The following TSC22D2 variants were observed in gnomAD, a reference collection of about 807,000 sequenced individuals.
The protein encoded by TSC22D2 is TSC22 domain family member 2.
TSC22D2 carries 5 observed loss-of-function variants against 50.1 expected under a neutral mutation model. The ratio of observed to expected loss-of-function variants is 0.10; its 90% CI spans 0.05 to 0.21. The LOEUF (loss-of-function observed/expected upper bound fraction) is 0.21. TSC22D2 is among the 10% of genes least tolerant of loss of function. TSC22D2 has a pLI of 1.00. For synonymous variants in TSC22D2, 501 were observed against 450.1 expected (o/e 1.11, Z -1.43); for missense variants, 1,003 against 1,015.5 (o/e 0.99, Z 0.17).
intron 1 of TSC22D2, among the ~76,000 whole-genome samples, chr3:150,426,892 T>G (rs561412111): frequency 1.3e-5 from 2 of 152,274 alleles, no homozygotes; most frequent in East Asian, 1.9e-4. Flanking sequence ...TTAAAATTAT[T>G]GGATAAAAAA....
intron 1 of TSC22D2, among the ~76,000 whole-genome samples, chr3:150,446,154 T>G (rs1251429378): frequency 6.6e-6 from 1 of 152,152 alleles, no homozygotes; most frequent in African/African-American, 2.4e-5. Context: ...TTTAAGCCAT[T>G]TTATTATTCT....
chr3:150,426,012 C>T (rs867801889), intron 1 of TSC22D2, among the ~76,000 whole-genome samples: 2 of 152,108 alleles, frequency 1.3e-5, no homozygotes, highest in African/African-American at 4.8e-5. Context: ...TTGAAGCTAC[C>T]CTCAAGTCTT....
chr3:150,441,475 G>A (rs1720715822), intron 1 of TSC22D2, among the ~76,000 whole-genome samples: 1 of 151,976 alleles, frequency 6.6e-6, no homozygotes, highest in African/African-American at 2.4e-5. Context: ...AAATATTATT[G>A]GAGGCCGGGC....
intron 1 of TSC22D2, chr3:150,423,144 G>A: frequency 1.3e-6 from 2 of 1,551,620 alleles, no homozygotes; most frequent in Non-Finnish European, 1.8e-6. Flanking sequence ...CATATGGAAT[G>A]CATACATGCA....
intron 1 of TSC22D2, among the ~76,000 whole-genome samples, chr3:150,429,388 AT>A (rs939069265): frequency 3.9e-5 from 6 of 152,130 alleles, no homozygotes; most frequent in African/African-American, 1.4e-4. Context: ...ATGGAGAAAA[AT>A]AACTACACAT....
chr3:150,411,443 T>G (rs1719565467), intron 1 of TSC22D2, 135 bp downstream of exon 1: 7 of 913,318 alleles, frequency 7.7e-6, no homozygotes, highest in Non-Finnish European at 1.1e-5. Context: ...TTGGTAAAAT[T>G]GATTTAGATT....
In TSC22D2 at chr3:150,408,938, T is replaced by TCCCACC. The variant is rs1279309736; in HGVS notation, c.-408_-403dup. 1 of 161,416 alleles carries TCCCACC rather than the reference T, an allele frequency of 6.2e-6. No individual in the cohort carries two copies. Among genetic ancestry groups the TCCCACC allele is most frequent in the Non-Finnish European group, 1.3e-5 (1 of 74,782 alleles). The allele number at this position is 161,416 out of a possible 1,614,324, so 10.0% of individuals were successfully genotyped here. ...CTCCTCCTCCTCTTCGCCCTCCCAC[T>TCCCACC]CCCACCCCCAGCCAAGGCCTGCTGA... On this transcript the variant is annotated 5_prime_UTR_variant, in exon 1 of 3. Transcript: ENST00000688009.
chr3:150,458,313 G>A, intron 2 of TSC22D2, 63 bp from the exon 3 acceptor site: 2 of 1,540,780 alleles, frequency 1.3e-6, no homozygotes, highest in Admixed American at 1.9e-5. Context: ...AAGTAGGCCA[G>A]AACCAGATAG....
In TSC22D2 at chr3:150,463,938, A is replaced by T. The variant is rs1721485974; in HGVS notation, c.*5302A>T. On this transcript the variant is annotated 3_prime_UTR_variant, in exon 3 of 3. Transcript: ENST00000688009. Reference sequence around the variant, plus strand: ...ACTGATAGACTAGGCAGTTTGGGGAATTTTCCCATTGTCTACTGTCATGGG... The same window carrying T: ...ACTGATAGACTAGGCAGTTTGGGGATTTTTCCCATTGTCTACTGTCATGGG... 1 of 152,050 alleles carries T rather than the reference A, an allele frequency of 6.6e-6. No homozygotes were observed. The highest frequency in any genetic ancestry group is 2.1e-4 in the South Asian group (1 of 4,818). 9.4% of individuals were successfully genotyped at this position (152,050 alleles called of 1,614,324 possible). A position where few individuals can be genotyped will look rare whatever the true frequency, so the allele number is the denominator to read the frequency against.
rs11330414 is a variant in TSC22D2, at chr3:150,459,572, G to GTTTTTTTTTTTTTTTTTTT, written c.*949_*950insTTTTTTTTTTTTTTTTTTT. On this transcript the variant is annotated 3_prime_UTR_variant, in exon 3 of 3. Coordinates refer to ENST00000688009, the MANE Select transcript of TSC22D2 (RefSeq NM_001303264.2). ...TAATGGAGTTTGGTTTTTTTTTGTTGTTTTTTTTTTTTTGTCTTTTTTTTT... is the reference window on the plus strand; with the variant it reads ...TAATGGAGTTTGGTTTTTTTTTGTTGTTTTTTTTTTTTTTTTTTTTTTTTTTTTTTTTGTCTTTTTTTTT... The GTTTTTTTTTTTTTTTTTTT allele has an allele frequency of 1.7e-5, 2 of 115,560 alleles. No homozygotes were observed. Among genetic ancestry groups the GTTTTTTTTTTTTTTTTTTT allele is most frequent in the African/African-American group, 3.3e-5 (1 of 30,710 alleles). The allele number at this position is 115,560 out of a possible 1,614,324, so 7.2% of individuals were successfully genotyped here.
Position 150,410,072 on chromosome 3 carries a change from G to T in TSC22D2, c.722G>T (p.Gly241Val). The T allele has an allele frequency of 1.9e-6, 3 of 1,613,066 alleles. No individual in the cohort carries two copies. The highest frequency in any genetic ancestry group is 2.5e-6 in the Non-Finnish European group (3 of 1,180,022). The change falls in exon 1 of 3, where the codon GGA (glycine) becomes GTA (valine). Residue 241 changes from glycine to valine, a missense_variant. Transcript: ENST00000688009. ...CAGGGGGCGCACGGGCCCGAGTCGGGAACTGACAGCTCCTTGACTGCTGTG... is the reference window on the plus strand; with the variant it reads ...CAGGGGGCGCACGGGCCCGAGTCGGTAACTGACAGCTCCTTGACTGCTGTG... ...SMQGAHGPES[G>V]TDSSLTAVSQ... is the part of the protein sequence containing the mutation.
Position 150,410,410 on chromosome 3 carries a change from C to G in TSC22D2, c.1060C>G (p.Pro354Ala). The G allele has an allele frequency of 1.2e-6, 2 of 1,608,722 alleles. No individual in the cohort carries two copies. Among genetic ancestry groups the G allele is most frequent in the Admixed American group, 3.3e-5 (2 of 59,824 alleles). ...PAVGAPAAQQPQQFAYPQPQI... is the reference protein window; with the variant it reads ...PAVGAPAAQQAQQFAYPQPQI... ...AGTGGGCGCCCCCGCGGCGCAGCAG[C>G]CCCAGCAGTTCGCGTATCCTCAGCC... Residue 354 changes from proline to alanine, a missense_variant, in exon 1 of 3, where the codon CCC (proline) becomes GCC (alanine). This residue lies in a region of TSC22D2 where 696 missense variants were observed against 647.8 expected (regional missense o/e 1.07). Transcript: ENST00000688009.
intron 1 of TSC22D2, among the ~76,000 whole-genome samples, chr3:150,422,458 A>G (rs1720040915): frequency 6.6e-6 from 1 of 152,242 alleles, no homozygotes; most frequent in African/African-American, 2.4e-5. Context: ...TGCTAGAATC[A>G]GAAAGCTGCC....
rs2108055067 is a variant in TSC22D2, at chr3:150,410,581, C to T, written c.1231C>T (p.Leu411Phe). Residue 411 changes from leucine to phenylalanine, a missense_variant, in exon 1 of 3, where the codon CTT becomes TTT. By Grantham distance (22) the Leu-to-Phe change is conservative. Around this residue, in one of 6 missense-constraint regions of TSC22D2, gnomAD observed 696 missense variants for 647.8 expected, o/e 1.07. Transcript: ENST00000688009. ...AGCGAGCCCCGCCACGGCGGCCACCCTTCCCGTGGGCACCGGCCAGAATGC... is the reference window on the plus strand; with the variant it reads ...AGCGAGCCCCGCCACGGCGGCCACCTTTCCCGTGGGCACCGGCCAGAATGC... ...AAASPATAAT[L>F]PVGTGQNASS... The T allele has an allele frequency of 6.4e-7, 1 of 1,556,316 alleles. No individual in the cohort carries two copies. The highest frequency in any genetic ancestry group is 8.7e-7 in the Non-Finnish European group (1 of 1,152,130).
Position 150,411,027 on chromosome 3 carries a change from G to A in TSC22D2, c.1677G>A (p.Leu559=). Residue 559 remains leucine, a synonymous_variant, in exon 1 of 3, where the codon CTG becomes CTA. Coordinates refer to ENST00000688009, the MANE Select transcript of TSC22D2 (RefSeq NM_001303264.2). ...RSSSIIQHVG[L]PLAPGTHSAP... is the part of the protein sequence containing the mutation. ...GCAGCATAATCCAGCATGTTGGGCT[G>A]CCCTTAGCGCCAGGCACACACAGCG... 1 of 1,614,228 alleles carries A rather than the reference G, an allele frequency of 6.2e-7. No individual in the cohort carries two copies. Among genetic ancestry groups the A allele is most frequent in the East Asian group, 2.2e-5 (1 of 44,880 alleles).
At chr3:150,450,694 T>A (rs933922662) in intron 1 of TSC22D2, among the ~76,000 whole-genome samples, 3 of 152,124 alleles carry the variant, frequency 2.0e-5, no homozygotes, top group Non-Finnish European at 4.4e-5. Context: ...CTGTAAATAT[T>A]TTTTAGTCTC....
chr3:150,410,700 G>T lies in TSC22D2; in HGVS notation c.1350G>T (p.Ala450=). The T allele has an allele frequency of 6.4e-7, 1 of 1,572,966 alleles. No homozygotes were observed. The highest frequency in any genetic ancestry group is 8.6e-7 in the Non-Finnish European group (1 of 1,160,982). Residue 450 remains alanine, a synonymous_variant, in exon 1 of 3, where the codon GCG becomes GCT. Coordinates refer to ENST00000688009, the MANE Select transcript of TSC22D2 (RefSeq NM_001303264.2). The stretch of plus-strand genomic sequence containing the variant: ...GACCAGCGCAAGGCGGGCAGGTCGC[G>T]CCTTGTCAGCCGACTGGAGTGCCCC... The part of the protein sequence containing the change: ...RTGPAQGGQV[A]PCQPTGVPPA...
chr3:150,411,713 A>G (rs1463021068), intron 1 of TSC22D2, among the ~76,000 whole-genome samples: 3 of 151,968 alleles, frequency 2.0e-5, no homozygotes, highest in Admixed American at 1.3e-4. Context: ...TAATACTACA[A>G]GTTTTCCTTT....
Position 150,458,679 on chromosome 3 carries a change from A to C in TSC22D2, c.*43A>C. On this transcript the variant is annotated 3_prime_UTR_variant, in exon 3 of 3. Transcript: ENST00000688009. ...TTAAGAAAAAAACTGAAAGCAATCT[A>C]TCCTTGTGTGCCACTGGTGTTCTTT... 6.2e-7 allele frequency: 1 copy of C among 1,603,880 alleles called. No homozygotes were observed. The highest frequency in any genetic ancestry group is 8.5e-7 in the Non-Finnish European group (1 of 1,174,874).
Sources: gnomAD v4.1 joint callset for allele counts (sites outside exome capture counted in the v4.1 genomes callset) on GRCh38, gnomAD v4.1.1 for gene constraint, gnomAD v4.1.1 regional missense constraint, MANE v1.5 for transcripts, NCBI Gene and HGNC (gene_info 2026-07-23, HGNC 2026-07-21) for gene names.